FRY: variants seen among roughly 807,000 people sequenced by gnomAD.
FRY encodes FRY microtubule binding protein.
In FRY, 128 loss-of-function variants were observed where a neutral mutation model predicts 348.4. That is an observed-to-expected ratio of 0.37 (90% CI 0.32 to 0.43). The LOEUF (loss-of-function observed/expected upper bound fraction) is 0.43. Among genes scored for constraint, FRY ranks in the 20% least tolerant of loss-of-function variants. The pLI is 1.00. For missense variants in FRY, 2,736 were observed against 3,695.2 expected (o/e 0.74, Z 6.73); for synonymous variants, 1,370 against 1,374.7 (o/e 1.00, Z 0.08).
intron 11 of FRY, among the ~76,000 whole-genome samples, chr13:32,144,089 G>C (rs1167234920): frequency 1.3e-5 from 2 of 151,882 alleles, no homozygotes; most frequent in Admixed American, 6.6e-5. Context: ...CGAGTAGTCA[G>C]AATTTCTGAA....
In FRY at chr13:32,285,945, C is replaced by T. The variant is rs572460245; in HGVS notation, c.8470-3688C>T. 4.0e-5 allele frequency among the ~76,000 whole-genome samples: 6 copies of T among 151,704 alleles called. No homozygotes were observed. In the South Asian group the frequency reaches 1.0e-3, roughly 26 times the overall value. On this transcript the variant is annotated intron_variant, in intron 58 of 60. Coordinates refer to ENST00000542859, the MANE Select transcript of FRY (RefSeq NM_023037.3). ...GTAAACACCTGAAGCTGTGTAGTCT[C>T]CACATCAGAGGCTTACAGGTGTTTG...
Position 32,135,150 on chromosome 13 carries a change from G to A in FRY, c.1044G>A (p.Thr348=), listed in dbSNP as rs201444881. 18 of 1,611,574 alleles carry A rather than the reference G, an allele frequency of 1.1e-5. No individual in the cohort carries two copies. Among genetic ancestry groups the A allele is most frequent in the South Asian group, 6.6e-5 (6 of 91,018 alleles). Residue 348 remains threonine (T), a synonymous_variant, in exon 10 of 61, where the codon ACG becomes ACA. Coordinates refer to ENST00000542859, the MANE Select transcript of FRY (RefSeq NM_023037.3). ...RNFVESLYDT[T]LELSSRKKHS... ...TTGTGGAAAGCCTGTATGACACCACGCTGGAACTTTCTTCTCGAAAGAAGC... is the reference window on the plus strand; with the variant it reads ...TTGTGGAAAGCCTGTATGACACCACACTGGAACTTTCTTCTCGAAAGAAGC...
At chr13:32,106,824 A>G (rs1448590269) in intron 3 of FRY, among the ~76,000 whole-genome samples, 5 of 152,208 alleles carry the variant, frequency 3.3e-5, no homozygotes, top group Non-Finnish European at 7.3e-5. Flanking sequence ...AGCTAGATGT[A>G]TCCACTAGAT....
chr13:32,136,834 A>G (rs770639477), intron 10 of FRY, 37 bp from the exon 11 acceptor site: 19 of 1,106,522 alleles, frequency 1.7e-5, no homozygotes, highest in African/African-American at 4.6e-5. Flanking sequence ...TTGTTGAAAT[A>G]TAAATGATCC....
At chr13:32,120,877 G>A (rs1878608495) in intron 4 of FRY, among the ~76,000 whole-genome samples, 1 of 152,230 alleles carries the variant, frequency 6.6e-6, no homozygotes, top group Non-Finnish European at 1.5e-5. Context: ...GGCCAAGCTG[G>A]TCTTGAACTC....
chr13:32,170,924 A>G (rs1176580417), intron 17 of FRY, 88 bp from the exon 18 acceptor site: 4 of 971,130 alleles, frequency 4.1e-6, no homozygotes, highest in Admixed American at 1.7e-5. Context: ...AGTAGAAGAG[A>G]TATACATTAA....
At chr13:32,100,168 AAT>A (rs1877059846) in intron 2 of FRY, among the ~76,000 whole-genome samples, 1 of 150,444 alleles carries the variant, frequency 6.6e-6, no homozygotes, top group Non-Finnish European at 1.5e-5. Context: ...GCCGTGGAGC[AAT>A]CTTGGGTTCA....
chr13:32,191,282 A>C (rs1883318606), intron 28 of FRY, among the ~76,000 whole-genome samples: 1 of 152,182 alleles, frequency 6.6e-6, no homozygotes. Context: ...AGAATGCAAA[A>C]ATTACTAACC....
chr13:32,290,853 A>T (rs1480178129), intron 59 of FRY, among the ~76,000 whole-genome samples: 4 of 151,996 alleles, frequency 2.6e-5, no homozygotes, highest in African/African-American at 9.7e-5. Context: ...TGAGGAGAGG[A>T]TGAGACTCAG....
chr13:32,164,308 T>C (rs1050069138), intron 17 of FRY, among the ~76,000 whole-genome samples: 1 of 152,214 alleles, frequency 6.6e-6, no homozygotes, highest in African/African-American at 2.4e-5. Flanking sequence ...CACTTCACAG[T>C]CTCATCCGTG....
chr13:32,181,618 A>G (rs573178220), intron 23 of FRY, among the ~76,000 whole-genome samples: 1 of 151,676 alleles, frequency 6.6e-6, no homozygotes, highest in South Asian at 2.1e-4. Context: ...CAAGGAGATA[A>G]CAATAACAAT....
intron 5 of FRY, 109 bp from the exon 6 acceptor site, chr13:32,124,493 A>T (rs960331882): frequency 8.1e-6 from 7 of 867,818 alleles, no homozygotes; most frequent in Admixed American, 2.0e-5. Flanking sequence ...GGGTTATATG[A>T]CTTATGTTTA....
At chr13:32,078,758 T>G in intron 1 of FRY, 76 bp from the exon 2 acceptor site, 2 of 1,073,592 alleles carry the variant, frequency 1.9e-6, no homozygotes, top group Non-Finnish European at 2.9e-6. Flanking sequence ...ATCCTGATAT[T>G]TATGGTTTAA....
At chr13:32,275,097 G>A in intron 56 of FRY, 106 bp downstream of exon 56, 1 of 1,030,570 alleles carries the variant, frequency 9.7e-7, no homozygotes, top group South Asian at 1.3e-5. Flanking sequence ...GATACCTTCT[G>A]GCCGGGTGCG....
intron 16 of FRY, 56 bp downstream of exon 16, chr13:32,157,461 G>GAGAGTATTCTC: frequency 6.7e-7 from 1 of 1,491,222 alleles, no homozygotes. Flanking sequence ...AACACAAGTA[G>GAGAGTATTCTC]AGAGTATTCT....
intron 31 of FRY, among the ~76,000 whole-genome samples, chr13:32,206,347 G>A (rs1196793196): frequency 6.6e-6 from 1 of 152,122 alleles, no homozygotes; most frequent in Non-Finnish European, 1.5e-5. Context: ...AGGAGAGAGT[G>A]AGCAGTGCAC....
rs764287649 is a variant in FRY at position 32,225,778 on chromosome 13, T to C, written c.5021-11T>C. 9.3e-6 allele frequency: 15 copies of C among 1,607,824 alleles called. 1 individual carries two copies. In the South Asian group the frequency reaches 1.4e-4, roughly 15 times the overall value. ...GTTTGTTTATACTTAGATTCTACTGTTTTGTTCCAGGTTTAGACCACTACC... is the reference window on the plus strand; with the variant it reads ...GTTTGTTTATACTTAGATTCTACTGCTTTGTTCCAGGTTTAGACCACTACC... On this transcript the variant is annotated splice_polypyrimidine_tract_variant and intron_variant, in intron 38 of 60. Coordinates refer to ENST00000542859, the MANE Select transcript of FRY (RefSeq NM_023037.3).
chr13:32,215,211 T>TA lies in FRY; in HGVS notation c.4682+2837dup, dbSNP rs34130068. ...CAAATTTTATAACATTCAATTTTTT[T>TA]AAAAAAAAGCTATTCAAGTTAACAG... On this transcript the variant is annotated intron_variant, in intron 35 of 60. Transcript: ENST00000542859. 6.9e-3 allele frequency among the ~76,000 whole-genome samples: 1,042 copies of TA among 151,818 alleles called. 3 individuals are homozygous for TA. Among genetic ancestry groups the TA allele is most frequent in the Non-Finnish European group, 0.011 (758 of 67,916 alleles).
chr13:32,202,445 A>G lies in FRY; in HGVS notation c.3936A>G (p.Pro1312=). The change falls in exon 31 of 61, where the codon CCA becomes CCG. Residue 1312 remains proline (P), a synonymous_variant. Transcript: ENST00000542859. The part of the protein sequence containing the change: ...SILYGTHGPL[P]PLYSVSLALL... ...TCTATGGAACACACGGCCCGCTGCC[A>G]CCCCTCTACAGCGTGTCACTTGCCC... 1 of 1,613,750 alleles carries G rather than the reference A, an allele frequency of 6.2e-7. No individual in the cohort carries two copies. Among genetic ancestry groups the G allele is most frequent in the South Asian group, 1.1e-5 (1 of 91,056 alleles).
Sources: allele counts gnomAD v4.1 joint callset (sites outside exome capture counted in the v4.1 genomes callset), GRCh38; gene constraint gnomAD v4.1.1; transcripts MANE v1.5; gene names NCBI Gene and HGNC (gene_info 2026-07-23, HGNC 2026-07-21).